Variants in FRMD4A observed in about 807,000 individuals in gnomAD.
The protein encoded by FRMD4A is FERM domain containing 4A, also known as FERM domain-containing protein 4A.
Under a neutral mutation model 129.1 loss-of-function variants are expected in FRMD4A, and 29 were observed. The observed-to-expected ratio is 0.22, with a 90% CI of 0.17 to 0.31. The LOEUF is 0.31. Ranked by LOEUF, FRMD4A falls within the 10% of genes least tolerant of loss-of-function variation. The probability of loss-of-function intolerance (pLI) is 1.00; values close to 1 mark genes in which losing one functional copy is unlikely to be tolerated. For missense variants in FRMD4A, 1,272 were observed against 1,375.8 expected, an observed-to-expected ratio of 0.92 and a Z score of 1.19; for synonymous variants, 634 against 571.6, an observed-to-expected ratio of 1.11 and a Z score of -1.56.
At chr10:13,807,181 CTTTG>C (rs763641698) in intron 4 of FRMD4A, among the ~76,000 whole-genome samples, 1 of 152,288 alleles carries the variant, frequency 6.6e-6, no homozygotes, top group Non-Finnish European at 1.5e-5. Flanking sequence ...GCCAAAATGT[CTTTG>C]TTTGCATGTA....
chr10:13,723,853 C>A (rs548032855), intron 12 of FRMD4A, among the ~76,000 whole-genome samples: 2 of 152,140 alleles, frequency 1.3e-5, no homozygotes, highest in Non-Finnish European at 2.9e-5. Flanking sequence ...TGACATCAGA[C>A]GAACTGAAGC....
chr10:14,023,741 G>T (rs568410165), intron 2 of FRMD4A, among the ~76,000 whole-genome samples: 1 of 152,286 alleles, frequency 6.6e-6, no homozygotes, highest in African/African-American at 2.4e-5. Context: ...AGCCTGCATC[G>T]CTAAAATCAT....
intron 15 of FRMD4A, among the ~76,000 whole-genome samples, chr10:13,682,497 CTT>C (rs1170963559): frequency 3.2e-3 from 181 of 55,794 alleles, no homozygotes; most frequent in South Asian, 0.013. Flanking sequence ...TTCTTTCTTT[CTT>C]TTTTTTTTTT....
intron 2 of FRMD4A, among the ~76,000 whole-genome samples, chr10:13,933,631 T>C: frequency 6.6e-6 from 1 of 152,176 alleles, no homozygotes; most frequent in East Asian, 1.9e-4. Flanking sequence ...GGGAACAAGA[T>C]GTGTTTTACA....
chr10:14,122,539 C>A (rs1213220572), intron 2 of FRMD4A, among the ~76,000 whole-genome samples: 1 of 143,204 alleles, frequency 7.0e-6, no homozygotes, highest in East Asian at 2.1e-4. Flanking sequence ...AGGAAACTTA[C>A]AATCACGGCA....
intron 15 of FRMD4A, among the ~76,000 whole-genome samples, chr10:13,679,474 T>TATATATACACACACACACACACAC (rs1308155926): frequency 8.3e-4 from 26 of 31,482 alleles, no homozygotes; most frequent in Non-Finnish European, 1.3e-3. Context: ...TATATATATA[T>TATATATACACACACACACACACAC]ACACACACAC....
At chr10:14,290,322 A>G (rs2132074003) in intron 2 of FRMD4A, among the ~76,000 whole-genome samples, 1 of 152,274 alleles carries the variant, frequency 6.6e-6, no homozygotes, top group Non-Finnish European at 1.5e-5. Flanking sequence ...TCCTGATTTC[A>G]AAGTATAATA....
intron 2 of FRMD4A, among the ~76,000 whole-genome samples, chr10:14,153,635 A>G (rs146085370): frequency 6.6e-6 from 1 of 152,304 alleles, no homozygotes; most frequent in Non-Finnish European, 1.5e-5. Flanking sequence ...GTGAAGGGTC[A>G]GGCGAAAAGG....
chr10:14,188,250 C>G (rs1055785228), intron 2 of FRMD4A, among the ~76,000 whole-genome samples: 3 of 152,206 alleles, frequency 2.0e-5, no homozygotes, highest in African/African-American at 4.8e-5. Flanking sequence ...GCCTCTCCCC[C>G]TGTGCCAAGG....
intron 2 of FRMD4A, among the ~76,000 whole-genome samples, chr10:13,876,784 G>A (rs2094493201): frequency 6.6e-6 from 1 of 151,012 alleles, no homozygotes; most frequent in Non-Finnish European, 1.5e-5. Context: ...GCCATAATAG[G>A]CACACAATAA....
chr10:14,157,172 G>A (rs1341618441), intron 2 of FRMD4A, among the ~76,000 whole-genome samples: 1 of 152,180 alleles, frequency 6.6e-6, no homozygotes, highest in Admixed American at 6.5e-5. Context: ...CCATACATCA[G>A]ACCAATTTAC....
intron 2 of FRMD4A, among the ~76,000 whole-genome samples, chr10:13,968,225 T>C (rs2131376545): frequency 1.3e-5 from 2 of 152,224 alleles, no homozygotes; most frequent in South Asian, 4.1e-4. Flanking sequence ...AGTATGGGTG[T>C]GTTTAAAAAG....
In FRMD4A at chr10:14,330,074, G is replaced by A; in HGVS notation, c.29C>T (p.Ala10Val). 6.4e-7 allele frequency: 1 copy of A among 1,553,386 alleles called. No homozygotes were observed. Among genetic ancestry groups the A allele is most frequent in the Non-Finnish European group, 8.7e-7 (1 of 1,147,780 alleles). ...AACACTCACCATCAGCAGGCCGAGA[G>A]CTGAGTCGGGCACCAGCTGCACTGC... MAVQLVPDS[A>V]LGLLMMTEGR... The change falls in exon 2 of 25, where the codon GCT (alanine) becomes GTT (valine). Residue 10 changes from alanine (A) to valine (V), a missense_variant. Physicochemically the swap from Ala to Val is moderately conservative, Grantham distance 64 (BLOSUM62 0). Coordinates refer to ENST00000357447, the MANE Select transcript of FRMD4A (RefSeq NM_018027.5).
rs1257987348 is a variant in FRMD4A at position 13,643,986 on chromosome 10, T to C, written c.*3052A>G. ...ATTTTACACAACTTGTAATAAACTATTGACATTAATGTATATGTAAAACTT... is the reference window on the plus strand; with the variant it reads ...ATTTTACACAACTTGTAATAAACTACTGACATTAATGTATATGTAAAACTT... On this transcript the variant is annotated 3_prime_UTR_variant, in exon 25 of 25. Coordinates refer to ENST00000357447, the MANE Select transcript of FRMD4A (RefSeq NM_018027.5). 2 of 152,642 alleles carry C rather than the reference T, an allele frequency of 1.3e-5. No homozygotes were observed. Among genetic ancestry groups the C allele is most frequent in the Non-Finnish European group, 1.5e-5 (1 of 68,042 alleles). 9.5% of individuals were successfully genotyped at this position (152,642 alleles called of 1,614,324 possible).
intron 8 of FRMD4A, among the ~76,000 whole-genome samples, chr10:13,757,002 A>G (rs530233412): frequency 6.6e-6 from 1 of 152,384 alleles, no homozygotes; most frequent in South Asian, 2.1e-4. Flanking sequence ...AAAAGCTTTG[A>G]AACAGAAAAC....
intron 15 of FRMD4A, chr10:13,692,471 T>C (rs956071318): frequency 6.6e-6 from 1 of 152,056 alleles, no homozygotes; most frequent in African/African-American, 2.4e-5. Context: ...TGAAGAAAAA[T>C]ACAAAACATA....
chr10:14,001,338 G>A (rs1241713789), intron 2 of FRMD4A, among the ~76,000 whole-genome samples: 2 of 152,180 alleles, frequency 1.3e-5, no homozygotes, highest in African/African-American at 4.8e-5. Flanking sequence ...GAGGCATGAC[G>A]AGGGGACAAG....
chr10:14,035,351 G>A (rs1435682193), intron 2 of FRMD4A, among the ~76,000 whole-genome samples: 1 of 151,236 alleles, frequency 6.6e-6, no homozygotes, highest in Non-Finnish European at 1.5e-5. Flanking sequence ...GGCTGAGGTT[G>A]CAGTGAGCCA....
At position 13,722,122 on chromosome 10, in the gene FRMD4A, C is replaced by CATTGGCAAAGAG. The variant is rs200451749; in HGVS notation, c.760-15021_760-15010dup. Among the ~76,000 whole-genome samples, 797 of 152,142 alleles carry CATTGGCAAAGAG rather than the reference C, an allele frequency of 5.2e-3. 8 individuals carry two copies. The highest frequency in any genetic ancestry group is 0.018 in the African/African-American group (758 of 41,490). On this transcript the variant is annotated intron_variant, in intron 12 of 24. Coordinates refer to ENST00000357447, the MANE Select transcript of FRMD4A (RefSeq NM_018027.5). Reference sequence around the variant, plus strand: ...GTACACCTTTCAGAAAGATTATAAGCATTGGCAAAGAGATTTGCAAAATCC... The same window carrying CATTGGCAAAGAG: ...GTACACCTTTCAGAAAGATTATAAGCATTGGCAAAGAGATTGGCAAAGAGATTTGCAAAATCC...
Sources: gnomAD v4.1 joint callset for allele counts (sites outside exome capture counted in the v4.1 genomes callset) on GRCh38, gnomAD v4.1.1 for gene constraint, MANE v1.5 for transcripts, NCBI Gene and HGNC (gene_info 2026-07-23, HGNC 2026-07-21) for gene names.